The following PHACTR4 variants were observed in gnomAD, a reference collection of about 807,000 sequenced individuals.
PHACTR4 encodes the protein phosphatase and actin regulator 4.
Under a neutral mutation model 72.7 loss-of-function variants are expected in PHACTR4, and 51 were observed. The observed-to-expected ratio is 0.70, with a 90% confidence interval of 0.56 to 0.89. The LOEUF is 0.89. Among genes scored for constraint, PHACTR4 ranks in the 40% least tolerant of loss-of-function variants. PHACTR4 has a pLI of 0.00. For missense variants in PHACTR4, 731 were observed against 861.8 expected (o/e 0.85, Z 1.90); for synonymous variants, 255 against 302.5 (o/e 0.84, Z 1.63).
chr1:28,472,779 ATT>A (rs771078982), intron 6 of PHACTR4, among the ~76,000 whole-genome samples: 34 of 127,546 alleles, frequency 2.7e-4, no homozygotes, highest in African/African-American at 4.6e-4. Flanking sequence ...AATTTTTGTA[ATT>A]TTTTTTTTTT....
At chr1:28,406,128 A>G (rs1654307119) in intron 1 of PHACTR4, among the ~76,000 whole-genome samples, 1 of 152,202 alleles carries the variant, frequency 6.6e-6, no homozygotes, top group Admixed American at 6.5e-5. Flanking sequence ...ATAAGATTGT[A>G]TTAAAATTTA....
At chr1:28,457,593 AC>A (rs1382627465) in intron 2 of PHACTR4, among the ~76,000 whole-genome samples, 1 of 152,002 alleles carries the variant, frequency 6.6e-6, no homozygotes, top group Non-Finnish European at 1.5e-5. Flanking sequence ...ACAGAGTGAG[AC>A]CCTGTTTCTA....
chr1:28,456,733 C>CT (rs1262568937), intron 2 of PHACTR4, among the ~76,000 whole-genome samples: 1 of 151,744 alleles, frequency 6.6e-6, no homozygotes, highest in Non-Finnish European at 1.5e-5. Context: ...TGTCTGTAAT[C>CT]TGAGACATTC....
intron 2 of PHACTR4, among the ~76,000 whole-genome samples, chr1:28,430,832 A>G (rs923742747): frequency 2.6e-5 from 4 of 152,180 alleles, no homozygotes; most frequent in Admixed American, 2.6e-4. Context: ...CAGCATAAAA[A>G]TACATTTAAT....
chr1:28,410,844 T>C (rs1400149112), intron 2 of PHACTR4, among the ~76,000 whole-genome samples: 154 of 149,982 alleles, frequency 1.0e-3, no homozygotes, highest in African/African-American at 3.6e-3. Context: ...GTAGCTGGGA[T>C]TACCAGCACC....
chr1:28,451,903 G>A (rs1053129259), intron 2 of PHACTR4, among the ~76,000 whole-genome samples: 1 of 151,952 alleles, frequency 6.6e-6, no homozygotes, highest in Non-Finnish European at 1.5e-5. Context: ...ACCTCCCAGA[G>A]TGCTAGGATT....
In PHACTR4 at chr1:28,459,275, T is replaced by TAA. The variant is rs762588042; in HGVS notation, c.190+19_190+20dup. Reference sequence around the variant, plus strand: ...CTTCAGAAGGTGAGATATTAAGGGTTAAATGTGTGTTCTGAGTTAGAATTC... The same window carrying TAA: ...CTTCAGAAGGTGAGATATTAAGGGTTAAAAATGTGTGTTCTGAGTTAGAATTC... On this transcript the variant is annotated intron_variant, in intron 3 of 13. Coordinates refer to ENST00000373839, the MANE Select transcript of PHACTR4 (RefSeq NM_001048183.3). 10 of 1,600,912 alleles carry TAA rather than the reference T, an allele frequency of 6.2e-6. No individual in the cohort carries two copies. The Admixed American group carries it at 1.7e-4, about 27-fold the overall frequency.
At chr1:28,371,803 C>G (rs1423151472) in intron 1 of PHACTR4, among the ~76,000 whole-genome samples, 3 of 151,920 alleles carry the variant, frequency 2.0e-5, no homozygotes, top group Admixed American at 1.3e-4. Context: ...GGGTCCCACT[C>G]TGTTGCCCAG....
intron 13 of PHACTR4, among the ~76,000 whole-genome samples, chr1:28,493,377 A>G (rs886172138): frequency 1.3e-5 from 2 of 152,114 alleles, no homozygotes; most frequent in Admixed American, 6.6e-5. Flanking sequence ...ATCTCTACTA[A>G]AAATACAAAA....
At chr1:28,374,308 A>T (rs989344773) in intron 1 of PHACTR4, among the ~76,000 whole-genome samples, 1 of 152,214 alleles carries the variant, frequency 6.6e-6, no homozygotes, top group Non-Finnish European at 1.5e-5. Context: ...CAAAATTAAG[A>T]TACTGTACTT....
chr1:28,457,881 T>C, intron 2 of PHACTR4: 1 of 984,834 alleles, frequency 1.0e-6, no homozygotes, highest in Non-Finnish European at 1.2e-6. Flanking sequence ...AGCTGCATTG[T>C]GTACCTTCCT....
intron 2 of PHACTR4, among the ~76,000 whole-genome samples, chr1:28,445,322 CATGCG>C (rs1357723928): frequency 2.6e-5 from 4 of 152,132 alleles, no homozygotes; most frequent in Non-Finnish European, 1.5e-5. Context: ...CTCCTGGGCT[CATGCG>C]ATCCTCCCAC....
chr1:28,453,597 T>G (rs1658137629), intron 2 of PHACTR4: 5 of 1,075,488 alleles, frequency 4.6e-6, no homozygotes, highest in African/African-American at 1.6e-5. Flanking sequence ...GTGGATGCAT[T>G]TCTGACCTTC....
chr1:28,418,273 C>T (rs964173962), intron 2 of PHACTR4, among the ~76,000 whole-genome samples: 1 of 151,258 alleles, frequency 6.6e-6, no homozygotes, highest in Non-Finnish European at 1.5e-5. Context: ...GACCACACTG[C>T]CCAACATGGC....
intron 2 of PHACTR4, among the ~76,000 whole-genome samples, chr1:28,411,853 GAAAGAAAGAAAGAACGAATGAACA>G (rs1412291532): frequency 6.3e-5 from 9 of 143,508 alleles, no homozygotes; most frequent in East Asian, 1.9e-4. Context: ...CCACCCAAAA[GAAAGAAAGAAAGAACGAATGAACA>G]AAAGAAAGAA....
chr1:28,388,489 T>G (rs1193467312), intron 1 of PHACTR4, among the ~76,000 whole-genome samples: 1 of 152,110 alleles, frequency 6.6e-6, no homozygotes. Context: ...CTTCAGTAAA[T>G]GATGTTGGGT....
At chr1:28,438,085 G>A in intron 2 of PHACTR4, 1 of 1,009,184 alleles carries the variant, frequency 9.9e-7, no homozygotes, top group Non-Finnish European at 1.2e-6. Flanking sequence ...GCCAGAATGT[G>A]GTTGGCAGTC....
chr1:28,465,807 C>T lies in PHACTR4; in HGVS notation c.394C>T (p.Leu132Phe). Reference sequence around the variant, plus strand: ...GGAAGAGCCAGTAAGATTAGCAAGTCTTAGGAAAGCTATTCCAGAAGAGGA... The same window carrying T: ...GGAAGAGCCAGTAAGATTAGCAAGTTTTAGGAAAGCTATTCCAGAAGAGGA... ...VEEEPVRLAS[L>F]RKAIPEEDLK... Residue 132 changes from leucine to phenylalanine, a missense_variant, in exon 5 of 14, where the codon CTT (leucine) becomes TTT (phenylalanine). By Grantham distance (22) the Leu-to-Phe change is conservative (BLOSUM62 0). Transcript: ENST00000373839. The T allele has an allele frequency of 6.2e-7, 1 of 1,610,830 alleles. No individual in the cohort carries two copies. Among genetic ancestry groups the T allele is most frequent in the Non-Finnish European group, 8.5e-7 (1 of 1,178,290 alleles).
intron 2 of PHACTR4, among the ~76,000 whole-genome samples, chr1:28,408,608 C>T (rs1654536468): frequency 6.6e-6 from 1 of 151,184 alleles, no homozygotes; most frequent in Non-Finnish European, 1.5e-5. Flanking sequence ...TAATAGCAGG[C>T]ATGTGTAATA....
Sources: gnomAD v4.1 joint callset for allele counts (sites outside exome capture counted in the v4.1 genomes callset) on GRCh38, gnomAD v4.1.1 for gene constraint, MANE v1.5 for transcripts, NCBI Gene and HGNC (gene_info 2026-07-23, HGNC 2026-07-21) for gene names.